The following UTP18 variants were observed in gnomAD, a reference collection of about 807,000 sequenced individuals.
UTP18 encodes U3 small nucleolar RNA-associated protein 18 homolog.
Under a neutral mutation model 61.1 loss-of-function variants are expected in UTP18, and 36 were observed. The observed-to-expected ratio is 0.59, with a 90% confidence interval of 0.45 to 0.78. UTP18 has a LOEUF of 0.78. Ranked by LOEUF, UTP18 falls within the 30% of genes least tolerant of loss-of-function variation. The pLI, the probability that UTP18 is intolerant of heterozygous loss-of-function variation, is 0.00. For synonymous variants in UTP18, 282 were observed against 251.1 expected, an observed-to-expected ratio of 1.12 and a Z score of -1.16; for missense variants, 753 against 693.9, an observed-to-expected ratio of 1.09 and a Z score of -0.96.
At chr17:51,297,667 A>G (rs1033203534) in intron 13 of UTP18, 115 bp from the exon 14 acceptor site, 2 of 404,258 alleles carry the variant, frequency 4.9e-6, no homozygotes, top group East Asian at 1.7e-4. Context: ...AAGCTTTAGC[A>G]AGGAGGGGAA....
chr17:51,288,916 A>C (rs1366770065), intron 11 of UTP18, among the ~76,000 whole-genome samples: 1 of 152,192 alleles, frequency 6.6e-6, no homozygotes, highest in Non-Finnish European at 1.5e-5. Context: ...AACATGTGTT[A>C]AGTGTTTTCT....
intron 9 of UTP18, among the ~76,000 whole-genome samples, chr17:51,282,254 T>A (rs1194384279): frequency 6.6e-6 from 1 of 152,224 alleles, no homozygotes; most frequent in Non-Finnish European, 1.5e-5. Flanking sequence ...AATATAACAT[T>A]AATAAAATTA....
In UTP18 at chr17:51,280,483, AGACAAC is replaced by A. The variant is rs1405872449; in HGVS notation, c.1204+9_1204+14del. 1.9e-6 allele frequency: 3 copies of A among 1,613,496 alleles called. No homozygotes were observed. In the Admixed American group the frequency reaches 5.0e-5, roughly 27 times the overall value. ...AAGAAAGTATACGCCTCTTCGGGTA[AGACAAC>A]GACATGAAAGAAGCTAAGGATATTT... is the stretch of plus-strand genomic sequence containing the variant. On this transcript the variant is annotated splice_donor_5th_base_variant and intron_variant, in intron 9 of 13. Coordinates refer to ENST00000225298, the MANE Select transcript of UTP18 (RefSeq NM_016001.3).
intron 9 of UTP18, among the ~76,000 whole-genome samples, chr17:51,280,757 G>A (rs577990585): frequency 6.6e-6 from 1 of 152,240 alleles, no homozygotes; most frequent in South Asian, 2.1e-4. Context: ...AGGTTGCAGT[G>A]AGCTGTGATT....
intron 12 of UTP18, among the ~76,000 whole-genome samples, chr17:51,294,570 G>A (rs573204905): frequency 0.028 from 4,313 of 152,148 alleles, 195 homozygotes; most frequent in African/African-American, 0.097. Flanking sequence ...TGGTGTATAT[G>A]TGCCACATTT....
intron 4 of UTP18, among the ~76,000 whole-genome samples, chr17:51,270,245 C>T (rs1479229139): frequency 2.0e-5 from 3 of 152,180 alleles, no homozygotes; most frequent in Non-Finnish European, 2.9e-5. Context: ...TCTACTCCTA[C>T]GGTTTGAAAC....
Position 51,263,326 on chromosome 17 carries a change from G to A in UTP18, c.395G>A (p.Gly132Asp), listed in dbSNP as rs772117190. ...TCAGAAGTGGAGAATGAAGCAAAAG[G>A]TAATTTTCCACCTCAAAAGAAGCCA... ...GDSEVENEAK[G>D]NFPPQKKPVW... Residue 132 changes from glycine (G) to aspartate (D), a missense_variant, in exon 2 of 14, where the codon GGT (glycine) becomes GAT (aspartate). Physicochemically the swap from Gly to Asp is moderately conservative, Grantham distance 94. Coordinates refer to ENST00000225298, the MANE Select transcript of UTP18 (RefSeq NM_016001.3). 1 of 1,614,066 alleles carries A rather than the reference G, an allele frequency of 6.2e-7. No individual in the cohort carries two copies. The highest frequency in any genetic ancestry group is 1.1e-5 in the South Asian group (1 of 91,088).
chr17:51,295,323 A>G (rs1905339126), intron 12 of UTP18, among the ~76,000 whole-genome samples: 1 of 152,026 alleles, frequency 6.6e-6, no homozygotes, highest in African/African-American at 2.4e-5. Context: ...TAGGGTTTTT[A>G]TGGTTTTAGG....
intron 12 of UTP18, among the ~76,000 whole-genome samples, chr17:51,295,657 G>T (rs1415044433): frequency 1.3e-5 from 2 of 152,052 alleles, no homozygotes; most frequent in Non-Finnish European, 2.9e-5. Flanking sequence ...TTGTTCTTTT[G>T]GCTTAGGATT....
intron 1 of UTP18, among the ~76,000 whole-genome samples, chr17:51,261,362 T>A (rs555246165): frequency 6.6e-6 from 1 of 152,316 alleles, no homozygotes; most frequent in Admixed American, 6.5e-5. Flanking sequence ...CCCATGTGAC[T>A]ATGAGACCCA....
intron 9 of UTP18, among the ~76,000 whole-genome samples, chr17:51,280,748 G>A (rs1904886850): frequency 6.6e-6 from 1 of 152,170 alleles, no homozygotes; most frequent in Non-Finnish European, 1.5e-5. Context: ...GGGAGACAGA[G>A]GTTGCAGTGA....
intron 11 of UTP18, among the ~76,000 whole-genome samples, chr17:51,290,976 C>G (rs933731868): frequency 6.6e-6 from 1 of 152,162 alleles, no homozygotes; most frequent in Non-Finnish European, 1.5e-5. Flanking sequence ...AAGTCAAATT[C>G]CTGTTACATC....
intron 6 of UTP18, among the ~76,000 whole-genome samples, chr17:51,276,813 A>G (rs775209932): frequency 1.3e-5 from 2 of 152,202 alleles, no homozygotes; most frequent in African/African-American, 2.4e-5. Context: ...CTGTGGGTGG[A>G]CAAACTCAAG....
At chr17:51,297,104 C>A in intron 13 of UTP18, 101 bp downstream of exon 13, 3 of 1,009,314 alleles carry the variant, frequency 3.0e-6, no homozygotes, top group East Asian at 2.6e-5. Context: ...TTTCTCTACC[C>A]CTAAGTTACT....
intron 5 of UTP18, among the ~76,000 whole-genome samples, chr17:51,273,861 G>T (rs1220693729): frequency 1.3e-5 from 2 of 151,858 alleles, no homozygotes; most frequent in Non-Finnish European, 2.9e-5. Context: ...CTCTTATCTG[G>T]CATATTGCAG....
rs1321614396 is a variant in UTP18, at chr17:51,285,508, C to T, written c.1328+140C>T. 4 of 1,003,116 alleles carry T rather than the reference C, an allele frequency of 4.0e-6. No homozygotes were observed. The African/African-American group carries it at 4.9e-5, about 12-fold the overall frequency. The allele number at this position is 1,003,116 out of a possible 1,614,324, so 62.1% of individuals were successfully genotyped here. A position where few individuals can be genotyped will look rare whatever the true frequency, so the allele number is the denominator to read the frequency against. ...TATGAAATTGGTCAACCCAGCTGAG[C>T]TTTTTTCATTTTATCATCTTTGTGC... On this transcript the variant is annotated intron_variant, in intron 10 of 13. Transcript: ENST00000225298.
chr17:51,263,270 G>C lies in UTP18; in HGVS notation c.343-4G>C, dbSNP rs185609294. 6.2e-7 allele frequency: 1 copy of C among 1,613,576 alleles called. No homozygotes were observed. The highest frequency in any genetic ancestry group is 1.3e-5 in the African/African-American group (1 of 75,046). On this transcript the variant is annotated splice_region_variant and splice_polypyrimidine_tract_variant and intron_variant, in intron 1 of 13. Coordinates refer to ENST00000225298, the MANE Select transcript of UTP18 (RefSeq NM_016001.3). Reference sequence around the variant, plus strand: ...AGTGCTTGAGGGTGTTTTGTCTGCTGTAGGTTCAAGAACATGAAGACTCGG... The same window carrying C: ...AGTGCTTGAGGGTGTTTTGTCTGCTCTAGGTTCAAGAACATGAAGACTCGG...
intron 13 of UTP18, 92 bp downstream of exon 13, chr17:51,297,095 T>G (rs772398470): frequency 2.9e-5 from 32 of 1,109,370 alleles, no homozygotes; most frequent in Non-Finnish European, 3.6e-5. Context: ...TGAGCTTTGT[T>G]TCTCTACCCC....
intron 9 of UTP18, among the ~76,000 whole-genome samples, chr17:51,284,191 CTG>C (rs1346477275): frequency 1.3e-5 from 2 of 152,172 alleles, no homozygotes; most frequent in African/African-American, 4.8e-5. Flanking sequence ...GGAGTTGAAA[CTG>C]AGATTCACTG....
Sources: allele counts gnomAD v4.1 joint callset (sites outside exome capture counted in the v4.1 genomes callset), GRCh38; gene constraint gnomAD v4.1.1; transcripts MANE v1.5; gene names NCBI Gene and HGNC (gene_info 2026-07-23, HGNC 2026-07-21).